KCNQ5: variants seen among roughly 807,000 people sequenced by gnomAD.
The protein encoded by KCNQ5 is potassium voltage-gated channel subfamily KQT member 5.
KCNQ5 carries 30 observed loss-of-function variants against 98.2 expected under a neutral mutation model. That is an observed-to-expected ratio of 0.31 (90% confidence interval 0.23 to 0.41). The LOEUF (loss-of-function observed/expected upper bound fraction) is 0.41, where lower values mean the gene tolerates loss of function less well. Among genes scored for constraint, KCNQ5 ranks in the 10% least tolerant of loss-of-function variants. KCNQ5 has a pLI of 1.00. For synonymous variants in KCNQ5, 458 were observed against 449.4 expected, an observed-to-expected ratio of 1.02 and a Z score of -0.24; for missense variants, 835 against 1,182.5, an observed-to-expected ratio of 0.71 and a Z score of 4.31.
intron 9 of KCNQ5, among the ~76,000 whole-genome samples, chr6:73,124,970 TATATATATATACACAC>T (rs750454700): frequency 0.26 from 5,049 of 19,640 alleles, 288 homozygotes; most frequent in East Asian, 0.38. Context: ...TATATATATA[TATATATATATACACAC>T]ACACACATAT....
At chr6:72,987,309 A>T (rs1768829761) in intron 1 of KCNQ5, 1 of 700,860 alleles carries the variant, frequency 1.4e-6, no homozygotes. Context: ...AAAGAAAGGC[A>T]ACATGGACGA....
chr6:73,049,945 G>C (rs766623115), intron 3 of KCNQ5, among the ~76,000 whole-genome samples: 3 of 151,956 alleles, frequency 2.0e-5, no homozygotes, highest in Non-Finnish European at 4.4e-5. Flanking sequence ...CACTTTAAAG[G>C]GAGAGCAAGG....
intron 1 of KCNQ5, among the ~76,000 whole-genome samples, chr6:72,672,679 AC>A (rs1383963484): frequency 2.0e-5 from 3 of 152,128 alleles, no homozygotes; most frequent in African/African-American, 7.2e-5. Context: ...TGCCGTACCT[AC>A]CTTACAAAAT....
chr6:72,961,978 A>G (rs1281479343), intron 1 of KCNQ5, among the ~76,000 whole-genome samples: 2 of 151,700 alleles, frequency 1.3e-5, no homozygotes, highest in Non-Finnish European at 2.9e-5. Flanking sequence ...GGAGTTTGAG[A>G]TCAGCCTGGG....
chr6:72,941,479 CCTCCCTCCCTTCTTTCCTTCCTTTTTCT>C (rs1201813425), intron 1 of KCNQ5, among the ~76,000 whole-genome samples: 1 of 133,554 alleles, frequency 7.5e-6, no homozygotes, highest in African/African-American at 2.8e-5. Context: ...TCCCTCCTTC[CCTCCCTCCCTTCTTTCCTTCCTTTTTCT>C]CTCCCTCCCT....
At chr6:72,716,832 C>T (rs529983603) in intron 1 of KCNQ5, among the ~76,000 whole-genome samples, 10 of 152,136 alleles carry the variant, frequency 6.6e-5, no homozygotes, top group East Asian at 3.8e-4. Flanking sequence ...CATAAAGTGA[C>T]GTATAAACTT....
chr6:72,804,492 A>G (rs968107796), intron 1 of KCNQ5, among the ~76,000 whole-genome samples: 1 of 152,062 alleles, frequency 6.6e-6, no homozygotes, highest in East Asian at 1.9e-4. Flanking sequence ...TGTTGTTGCA[A>G]ATGACAGAAT....
intron 5 of KCNQ5, among the ~76,000 whole-genome samples, chr6:73,084,153 C>T (rs541743000): frequency 5.1e-4 from 78 of 152,268 alleles, no homozygotes; most frequent in African/African-American, 1.9e-3. Context: ...TGGGACTCAA[C>T]CCTTGCACCC....
chr6:72,776,246 G>T (rs1187673310), intron 1 of KCNQ5, among the ~76,000 whole-genome samples: 4 of 152,110 alleles, frequency 2.6e-5, no homozygotes, highest in African/African-American at 4.8e-5. Flanking sequence ...TATATAGGTA[G>T]AAAACAAGGA....
At chr6:72,813,365 C>T (rs1478585547) in intron 1 of KCNQ5, among the ~76,000 whole-genome samples, 2 of 151,982 alleles carry the variant, frequency 1.3e-5, no homozygotes, top group African/African-American at 2.4e-5. Context: ...TAAATGGAAA[C>T]ATTTACTTTT....
intron 1 of KCNQ5, among the ~76,000 whole-genome samples, chr6:73,003,484 T>G (rs1769679404): frequency 6.6e-6 from 1 of 152,138 alleles, no homozygotes; most frequent in Admixed American, 6.6e-5. Context: ...ACTTGATAGT[T>G]TAGCAAAGTT....
intron 1 of KCNQ5, among the ~76,000 whole-genome samples, chr6:72,966,158 C>T (rs939859879): frequency 6.6e-6 from 1 of 152,188 alleles, no homozygotes; most frequent in African/African-American, 2.4e-5. Context: ...GTTGCTGTCT[C>T]ATAAATATAT....
chr6:72,651,910 T>C (rs978927467), intron 1 of KCNQ5, among the ~76,000 whole-genome samples: 1 of 152,084 alleles, frequency 6.6e-6, no homozygotes, highest in Admixed American at 6.6e-5. Context: ...TTAAAACTTA[T>C]ACTCAAAAAG....
chr6:72,928,019 GA>G (rs1305024891), intron 1 of KCNQ5, among the ~76,000 whole-genome samples: 1 of 151,930 alleles, frequency 6.6e-6, no homozygotes, highest in African/African-American at 2.4e-5. Context: ...GAAAAGGAGG[GA>G]AAATAGAAAA....
intron 1 of KCNQ5, among the ~76,000 whole-genome samples, chr6:72,650,006 C>T (rs1201332414): frequency 6.6e-6 from 1 of 152,112 alleles, no homozygotes; most frequent in African/African-American, 2.4e-5. Context: ...CATATTTTTA[C>T]TCATTATTTA....
chr6:72,893,517 A>G (rs1035669859), intron 1 of KCNQ5, among the ~76,000 whole-genome samples: 3 of 152,176 alleles, frequency 2.0e-5, no homozygotes, highest in East Asian at 1.9e-4. Flanking sequence ...CTGCAATGCA[A>G]TGCTTTAGGG....
chr6:72,878,815 G>A (rs773207784), intron 1 of KCNQ5, among the ~76,000 whole-genome samples: 14 of 151,770 alleles, frequency 9.2e-5, no homozygotes, highest in Non-Finnish European at 1.8e-4. Flanking sequence ...TCAGACTATC[G>A]TTCTTTCACC....
At chr6:72,732,799 T>A (rs562277399) in intron 1 of KCNQ5, among the ~76,000 whole-genome samples, 1 of 152,132 alleles carries the variant, frequency 6.6e-6, no homozygotes, top group South Asian at 2.1e-4. Flanking sequence ...CAAGAAATGA[T>A]GAGAGCTTAA....
At chr6:72,699,891 C>T (rs1768705627) in intron 1 of KCNQ5, among the ~76,000 whole-genome samples, 2 of 152,118 alleles carry the variant, frequency 1.3e-5, no homozygotes, top group African/African-American at 2.4e-5. Context: ...ATCTATGTTT[C>T]GGGCGTCAAG....
Sources: allele counts gnomAD v4.1 joint callset (sites outside exome capture counted in the v4.1 genomes callset), GRCh38; gene constraint gnomAD v4.1.1; transcripts MANE v1.5; gene names NCBI Gene and HGNC (gene_info 2026-07-23, HGNC 2026-07-21).